The following VPS13A variants were observed in gnomAD, a reference collection of about 807,000 sequenced individuals.
VPS13A encodes the protein vacuolar protein sorting 13 homolog A.
In VPS13A, 264 loss-of-function variants were observed where a neutral mutation model predicts 390.9. The observed-to-expected ratio is 0.68, with a 90% CI of 0.61 to 0.75. The LOEUF is 0.75. VPS13A is among the 30% of genes least tolerant of loss of function. VPS13A has a pLI of 0.00. For synonymous variants in VPS13A, 1,231 were observed against 1,227.1 expected (o/e 1.00, Z -0.07); for missense variants, 3,409 against 3,733.9 (o/e 0.91, Z 2.27).
At chr9:77,177,936 TGTGG>T (rs1246369788) in intron 1 of VPS13A, 132 bp downstream of exon 1, 1 of 738,894 alleles carries the variant, frequency 1.4e-6, no homozygotes, top group East Asian at 2.7e-5. Flanking sequence ...GCCGCCCGCC[TGTGG>T]GTCAAGTTAC....
At chr9:77,259,246 T>C (rs946989938) in intron 22 of VPS13A, among the ~76,000 whole-genome samples, 1 of 152,132 alleles carries the variant, frequency 6.6e-6, no homozygotes, top group Non-Finnish European at 1.5e-5. Context: ...TAGATACTGT[T>C]TTGGTACCCA....
At chr9:77,281,420 T>C (rs895721516) in intron 27 of VPS13A, among the ~76,000 whole-genome samples, 3 of 152,150 alleles carry the variant, frequency 2.0e-5, no homozygotes, top group African/African-American at 7.2e-5. Flanking sequence ...TATATAATTA[T>C]GATTTGTCAA....
chr9:77,180,246 G>T (rs1165783045), intron 1 of VPS13A, among the ~76,000 whole-genome samples: 1 of 152,212 alleles, frequency 6.6e-6, no homozygotes, highest in African/African-American at 2.4e-5. Context: ...AAGTGGAATT[G>T]CTGGGTCATA....
At chr9:77,286,154 CT>C (rs1012406510) in intron 31 of VPS13A, among the ~76,000 whole-genome samples, 17 of 151,848 alleles carry the variant, frequency 1.1e-4, no homozygotes, top group African/African-American at 3.6e-4. Context: ...GGAATATTTT[CT>C]TTTTTTTATG....
chr9:77,394,105 C>T (rs985854887), intron 68 of VPS13A, among the ~76,000 whole-genome samples: 4 of 152,080 alleles, frequency 2.6e-5, no homozygotes, highest in African/African-American at 9.7e-5. Flanking sequence ...CACTCTGTCA[C>T]CCAGGCTGGA....
chr9:77,293,576 G>A, intron 32 of VPS13A, 68 bp downstream of exon 32: 1 of 936,430 alleles, frequency 1.1e-6, no homozygotes, highest in Non-Finnish European at 1.5e-6. Context: ...AAATATGGAT[G>A]AAGACTAGTA....
chr9:77,223,572 A>T (rs1382827872), intron 13 of VPS13A, among the ~76,000 whole-genome samples: 1 of 152,216 alleles, frequency 6.6e-6, no homozygotes, highest in Non-Finnish European at 1.5e-5. Context: ...CAGCTACAGC[A>T]TTCCTCTAAG....
chr9:77,180,023 A>C (rs968811354), intron 1 of VPS13A, among the ~76,000 whole-genome samples: 1 of 152,150 alleles, frequency 6.6e-6, no homozygotes, highest in Non-Finnish European at 1.5e-5. Context: ...CTCCATGTTG[A>C]AGGATGTATG....
chr9:77,349,350 A>G (rs1021776824), intron 52 of VPS13A, among the ~76,000 whole-genome samples: 4 of 152,136 alleles, frequency 2.6e-5, no homozygotes, highest in Non-Finnish European at 5.9e-5. Flanking sequence ...CAGGTTTGTT[A>G]CATGGGTAAA....
rs144717146 is a variant in VPS13A, at chr9:77,196,043, C to T, written c.101-3902C>T. Among the ~76,000 whole-genome samples, 101 of 151,978 alleles carry T rather than the reference C, an allele frequency of 6.6e-4. 1 individual carries two copies. The East Asian group carries it at 0.018, about 27-fold the overall frequency. ...TATTTTCTAATTTTTCTTGGGGTTA[C>T]CTTTTTGACCCGTTTCTTATTTAAG... is the stretch of plus-strand genomic sequence containing the variant. On this transcript the variant is annotated intron_variant, in intron 1 of 71. Transcript: ENST00000360280.
chr9:77,318,649 GATA>G (rs1481092128), intron 41 of VPS13A, 58 bp downstream of exon 41: 12 of 1,322,858 alleles, frequency 9.1e-6, no homozygotes, highest in African/African-American at 2.9e-5. Flanking sequence ...TATTATGACA[GATA>G]ATGATACATA....
chr9:77,377,374 C>T (rs532008112), intron 67 of VPS13A, among the ~76,000 whole-genome samples: 14 of 151,806 alleles, frequency 9.2e-5, no homozygotes, highest in East Asian at 1.9e-4. Flanking sequence ...CGCCCGCCAC[C>T]GCGCCCGGCT....
intron 69 of VPS13A, 125 bp downstream of exon 69, chr9:77,403,446 C>T (rs974329499): frequency 3.7e-6 from 3 of 819,798 alleles, no homozygotes; most frequent in Admixed American, 4.0e-5. Context: ...CTTCTTGCTC[C>T]ACAAGCCTAA....
rs1399034092 is a variant in VPS13A, at chr9:77,369,507, C to G, written c.8667+95C>G. 9 of 884,586 alleles carry G rather than the reference C, an allele frequency of 1.0e-5. No individual in the cohort carries two copies. In the East Asian group the frequency reaches 1.2e-4, roughly 12 times the overall value. 54.8% of individuals were successfully genotyped at this position (884,586 alleles called of 1,614,324 possible). On this transcript the variant is annotated intron_variant, in intron 63 of 71. Transcript: ENST00000360280. Reference sequence around the variant, plus strand: ...GTTAAGTTGAGTTAATAAGTGCAAACAGATTTTGGAACACACACAAAAGGA... The same window carrying G: ...GTTAAGTTGAGTTAATAAGTGCAAAGAGATTTTGGAACACACACAAAAGGA...
At chr9:77,371,560 T>C (rs1270910262) in intron 67 of VPS13A, among the ~76,000 whole-genome samples, 3 of 152,068 alleles carry the variant, frequency 2.0e-5, no homozygotes, top group African/African-American at 7.2e-5. Flanking sequence ...GGATAAAGTT[T>C]CCAACACATG....
intron 67 of VPS13A, among the ~76,000 whole-genome samples, chr9:77,379,400 C>G (rs981691419): frequency 1.3e-5 from 2 of 152,102 alleles, no homozygotes; most frequent in African/African-American, 4.8e-5. Context: ...GCCACCACAC[C>G]CGGCTAATTT....
intron 1 of VPS13A, among the ~76,000 whole-genome samples, chr9:77,181,345 C>A (rs1049098124): frequency 6.6e-6 from 1 of 151,212 alleles, no homozygotes; most frequent in South Asian, 2.1e-4. Flanking sequence ...CTCATCTCTA[C>A]GAAAAAAATA....
chr9:77,241,480 C>T (rs562763970), intron 19 of VPS13A, among the ~76,000 whole-genome samples: 144 of 128,516 alleles, frequency 1.1e-3, no homozygotes, highest in South Asian at 3.8e-3. Context: ...ATTTTATATT[C>T]TGTCTCACCA....
chr9:77,251,823 C>G (rs912811124), intron 21 of VPS13A, among the ~76,000 whole-genome samples: 1 of 151,980 alleles, frequency 6.6e-6, no homozygotes, highest in Non-Finnish European at 1.5e-5. Flanking sequence ...TGATCATAGG[C>G]AAATTATAAA....
Sources: allele counts gnomAD v4.1 joint callset (sites outside exome capture counted in the v4.1 genomes callset), GRCh38; gene constraint gnomAD v4.1.1; transcripts MANE v1.5; gene names NCBI Gene and HGNC (gene_info 2026-07-23, HGNC 2026-07-21).